The following FSIP1 variants were observed in gnomAD, a reference collection of about 807,000 sequenced individuals.
The protein encoded by FSIP1 is fibrous sheath interacting protein 1.
In FSIP1, 65 loss-of-function variants were observed where a neutral mutation model predicts 60.9. That is an observed-to-expected ratio of 1.07 (90% CI 0.87 to 1.31). The LOEUF (loss-of-function observed/expected upper bound fraction) is 1.31, where lower values mean the gene tolerates loss of function less well. Ranked by LOEUF, FSIP1 falls within the 40% of genes most tolerant of loss-of-function variation. FSIP1 has a pLI of 0.00. For synonymous variants in FSIP1, 209 were observed against 221.2 expected (o/e 0.94, Z 0.49); for missense variants, 675 against 665.5 (o/e 1.01, Z -0.16).
intron 10 of FSIP1, among the ~76,000 whole-genome samples, chr15:39,653,760 A>G (rs1229560979): frequency 4.6e-5 from 7 of 152,126 alleles, no homozygotes; most frequent in Non-Finnish European, 1.5e-5. Flanking sequence ...GCTGCCATCC[A>G]CGTAAGATGA....
In FSIP1 at chr15:39,607,560, C is replaced by T. The variant is rs533406119; in HGVS notation, c.1700-6634G>A. Among the ~76,000 whole-genome samples, 4 of 152,298 alleles carry T rather than the reference C, an allele frequency of 2.6e-5. No individual in the cohort carries two copies. In the South Asian group the frequency reaches 8.3e-4, roughly 32 times the overall value. On this transcript the variant is annotated intron_variant, in intron 11 of 11. Transcript: ENST00000350221. ...TCAAATAATACTGGTTACCATGAAG[C>T]TTAAAGCACAAACATTGATAATGTG...
intron 10 of FSIP1, among the ~76,000 whole-genome samples, chr15:39,653,185 A>C (rs1892944943): frequency 6.6e-6 from 1 of 151,454 alleles, no homozygotes; most frequent in African/African-American, 2.4e-5. Context: ...CAAAAAAAAA[A>C]AAAAAAACCC....
intron 10 of FSIP1, among the ~76,000 whole-genome samples, chr15:39,712,231 G>A (rs1895547718): frequency 6.6e-6 from 1 of 152,184 alleles, no homozygotes; most frequent in Non-Finnish European, 1.5e-5. Context: ...GGCAGTGAGG[G>A]CAGTTCAGCT....
At chr15:39,746,356 A>G (rs775358328) in intron 5 of FSIP1, among the ~76,000 whole-genome samples, 15 of 152,226 alleles carry the variant, frequency 9.9e-5, no homozygotes, top group Non-Finnish European at 1.5e-4. Flanking sequence ...CTCCTTGAGC[A>G]ACAACACTGT....
rs761910838 is a variant in FSIP1, at chr15:39,618,009, T to C, written c.1425A>G (p.Glu475=). 2 of 1,614,206 alleles carry C rather than the reference T, an allele frequency of 1.2e-6. No homozygotes were observed. Among genetic ancestry groups the C allele is most frequent in the South Asian group, 1.1e-5 (1 of 91,090 alleles). ...GATAGTAGCCTTTAGAAGCTTCACATTCTTCACTCTCAAGCATATCTGCAT... is the reference window on the plus strand; with the variant it reads ...GATAGTAGCCTTTAGAAGCTTCACACTCTTCACTCTCAAGCATATCTGCAT... ...VEDADMLESE[E]CEASKGYYLT... is the part of the protein sequence containing the mutation. The change falls in exon 11 of 12, where the codon GAA becomes GAG. Residue 475 remains glutamate (E), a synonymous_variant. Coordinates refer to ENST00000350221, the MANE Select transcript of FSIP1 (RefSeq NM_152597.5).
In FSIP1 at chr15:39,743,724, T is replaced by C. The variant is rs113608328; in HGVS notation, c.560-1824A>G. On this transcript the variant is annotated intron_variant, in intron 5 of 11. Transcript: ENST00000350221. ...TGGTAGACACCATTTTCATTTAAAGTGGCCAGAGTTAACATTGTGAGCATC... is the reference window on the plus strand; with the variant it reads ...TGGTAGACACCATTTTCATTTAAAGCGGCCAGAGTTAACATTGTGAGCATC... Among the ~76,000 whole-genome samples the C allele has an allele frequency of 8.5e-3, 1,294 of 152,290 alleles. 18 individuals are homozygous for C. Among genetic ancestry groups the C allele is most frequent in the African/African-American group, 0.029 (1,207 of 41,552 alleles).
intron 10 of FSIP1, 65 bp from the exon 11 acceptor site, chr15:39,618,310 G>C: frequency 1.6e-6 from 2 of 1,282,502 alleles, no homozygotes; most frequent in Non-Finnish European, 2.2e-6. Flanking sequence ...TTTTTGGTAG[G>C]CATCCAGTAA....
At chr15:39,599,492 C>T (rs901933979), downstream of FSIP1, 1 of 152,040 alleles carries the variant, frequency 6.6e-6, no homozygotes, top group African/African-American at 2.4e-5. Context: ...CTGTCTCCCT[C>T]TTCCCTCCCC....
chr15:39,618,057 C>T lies in FSIP1; in HGVS notation c.1377G>A (p.Lys459=), dbSNP rs751981845. ...ISKLLNESET[K]VQKTEVEDAD... Reference sequence around the variant, plus strand: ...CATCTTCTACCTCAGTTTTCTGGACCTTTGTTTCTGATTCATTTAGCAATT... The same window carrying T: ...CATCTTCTACCTCAGTTTTCTGGACTTTTGTTTCTGATTCATTTAGCAATT... Residue 459 remains lysine (K), a synonymous_variant, in exon 11 of 12, where the codon AAG becomes AAA. Transcript: ENST00000350221. 5 of 1,614,096 alleles carry T rather than the reference C, an allele frequency of 3.1e-6. No individual in the cohort carries two copies. Among genetic ancestry groups the T allele is most frequent in the Non-Finnish European group, 3.4e-6 (4 of 1,179,992 alleles).
At chr15:39,625,339 G>A (rs1201711323) in intron 10 of FSIP1, among the ~76,000 whole-genome samples, 1 of 152,182 alleles carries the variant, frequency 6.6e-6, no homozygotes, top group Non-Finnish European at 1.5e-5. Context: ...TGGATCGAGG[G>A]AGCTAGAAGC....
At position 39,692,768 on chromosome 15, in the gene FSIP1, G is replaced by C. The variant is rs541544567; in HGVS notation, c.1188+20676C>G. On this transcript the variant is annotated intron_variant, in intron 10 of 11. Transcript: ENST00000350221. ...TTTAAAAAAAAAAGAAAGAAAGAAA[G>C]AAAGAAAAGAAGAAGAAAAAAGAAT... 1.2e-4 allele frequency among the ~76,000 whole-genome samples: 18 copies of C among 152,156 alleles called. No homozygotes were observed. The South Asian group carries it at 2.1e-3, about 18-fold the overall frequency.
chr15:39,638,028 T>G (rs1892206400), intron 10 of FSIP1, among the ~76,000 whole-genome samples: 1 of 152,220 alleles, frequency 6.6e-6, no homozygotes, highest in Non-Finnish European at 1.5e-5. Context: ...AAGACTCCCT[T>G]GAGTTTCACC....
chr15:39,665,543 T>C (rs909959787), intron 10 of FSIP1, among the ~76,000 whole-genome samples: 2 of 152,214 alleles, frequency 1.3e-5, no homozygotes, highest in Non-Finnish European at 1.5e-5. Context: ...AAGTTTGTAA[T>C]GAGAAAACGG....
intron 10 of FSIP1, among the ~76,000 whole-genome samples, chr15:39,625,905 G>A (rs1244952882): frequency 6.6e-6 from 1 of 152,174 alleles, no homozygotes; most frequent in Non-Finnish European, 1.5e-5. Flanking sequence ...CCCACTGCTT[G>A]GCAAGACTGT....
intron 10 of FSIP1, among the ~76,000 whole-genome samples, chr15:39,710,023 C>T (rs562059499): frequency 7.2e-5 from 11 of 152,286 alleles, no homozygotes; most frequent in African/African-American, 2.6e-4. Context: ...ACTCAGGTCT[C>T]CAGATTCCCG....
chr15:39,731,957 A>C (rs930647820), intron 8 of FSIP1, among the ~76,000 whole-genome samples: 4 of 152,230 alleles, frequency 2.6e-5, no homozygotes, highest in African/African-American at 9.6e-5. Context: ...ATCCTAGAGC[A>C]GAAGTCCCCA....
intron 1 of FSIP1, among the ~76,000 whole-genome samples, chr15:39,781,085 C>T (rs1898248358): frequency 6.6e-6 from 1 of 152,094 alleles, no homozygotes; most frequent in Non-Finnish European, 1.5e-5. Flanking sequence ...TTGCAAAACA[C>T]ATATCTGACA....
At chr15:39,764,748 C>G (rs532762123) in intron 4 of FSIP1, among the ~76,000 whole-genome samples, 7 of 152,166 alleles carry the variant, frequency 4.6e-5, no homozygotes, top group African/African-American at 1.7e-4. Flanking sequence ...AGTATGGTCC[C>G]AGACCTCAAG....
At chr15:39,770,717 A>G (rs1000959294) in intron 2 of FSIP1, 107 bp from the exon 3 acceptor site, 2 of 616,138 alleles carry the variant, frequency 3.2e-6, no homozygotes, top group South Asian at 2.6e-5. Context: ...GAGAATGTAC[A>G]TAAATGCATA....
Sources: gnomAD v4.1 joint callset for allele counts (sites outside exome capture counted in the v4.1 genomes callset) on GRCh38, gnomAD v4.1.1 for gene constraint, MANE v1.5 for transcripts, NCBI Gene and HGNC (gene_info 2026-07-23, HGNC 2026-07-21) for gene names.